Variants in SSC4D observed in about 807,000 individuals in gnomAD.
The protein encoded by SSC4D is scavenger receptor cysteine rich family member with 4 domains, also known as scavenger receptor cysteine-rich domain-containing group B protein.
A neutral mutation model predicts 63.4 loss-of-function variants in SSC4D; 57 were observed. The observed-to-expected ratio is 0.90, with a 90% CI of 0.73 to 1.12. The LOEUF (loss-of-function observed/expected upper bound fraction) is 1.12. SSC4D is among the 50% of genes most tolerant of loss of function. The pLI is 0.00. For missense variants in SSC4D, 791 were observed against 806.4 expected (o/e 0.98, Z 0.23); for synonymous variants, 352 against 345.4 (o/e 1.02, Z -0.21).
At chr7:76,405,770 G>A (rs1413350774) in intron 1 of SSC4D, among the ~76,000 whole-genome samples, 1 of 152,048 alleles carries the variant, frequency 6.6e-6, no homozygotes, top group Non-Finnish European at 1.5e-5. Context: ...GATGTGTGAA[G>A]AGGGCAAATG....
Position 76,390,757 on chromosome 7 carries a change from C to A in SSC4D, c.1412-382G>T, listed in dbSNP as rs569312738. Among the ~76,000 whole-genome samples, 13 of 152,170 alleles carry A rather than the reference C, an allele frequency of 8.5e-5. No individual in the cohort carries two copies. In the South Asian group the frequency reaches 2.7e-3, roughly 32 times the overall value. ...GCATGAACCCAGGAGGTGGAGCTTG[C>A]AGTGAGCCGAGATCGTGCCACTGCA... is the stretch of plus-strand genomic sequence containing the variant. On this transcript the variant is annotated intron_variant, in intron 10 of 10. Coordinates refer to ENST00000275560, the MANE Select transcript of SSC4D (RefSeq NM_080744.2).
intron 2 of SSC4D, among the ~76,000 whole-genome samples, chr7:76,404,035 T>C (rs1804918568): frequency 6.6e-6 from 1 of 152,132 alleles, no homozygotes; most frequent in Admixed American, 6.6e-5. Flanking sequence ...CCAACAGCCA[T>C]TGGTGAGCAC....
intron 3 of SSC4D, 99 bp downstream of exon 3, chr7:76,400,909 A>T: frequency 6.8e-7 from 1 of 1,481,194 alleles, no homozygotes; most frequent in Non-Finnish European, 9.2e-7. Flanking sequence ...TCTAGAGTCA[A>T]GGGGGGCTGG....
chr7:76,397,913 C>T (rs1211861502), intron 5 of SSC4D, 81 bp from the exon 6 acceptor site: 16 of 1,378,002 alleles, frequency 1.2e-5, no homozygotes, highest in Non-Finnish European at 1.1e-5. Context: ...CCCGGTGTCC[C>T]AGGATCTACA....
chr7:76,404,576 G>A, intron 1 of SSC4D, 71 bp from the exon 2 acceptor site: 1 of 1,329,936 alleles, frequency 7.5e-7, no homozygotes, highest in Non-Finnish European at 1.1e-6. Flanking sequence ...AGGATTGCTT[G>A]CACCCAGGGG....
intron 6 of SSC4D, among the ~76,000 whole-genome samples, chr7:76,397,055 C>T (rs142980883): frequency 5.3e-5 from 8 of 152,178 alleles, no homozygotes; most frequent in African/African-American, 1.7e-4. Context: ...ATAGAATTCT[C>T]GAGTATTGGT....
At chr7:76,405,945 C>T (rs1162754184) in intron 1 of SSC4D, among the ~76,000 whole-genome samples, 1 of 150,628 alleles carries the variant, frequency 6.6e-6, no homozygotes, top group Non-Finnish European at 1.5e-5. Flanking sequence ...CCCTCCCTTT[C>T]TTTCCTTCCT....
intron 8 of SSC4D, 41 bp downstream of exon 8, chr7:76,393,789 A>G: frequency 6.6e-7 from 1 of 1,520,332 alleles, no homozygotes; most frequent in South Asian, 1.2e-5. Context: ...CCCCAGCCCT[A>G]CCCTTCCCCA....
rs1804462284 is a variant in SSC4D, at chr7:76,390,139, G to C, written c.1648C>G (p.Leu550Val). ...TCCCAGCGGATATGAGAGCAGAGCAGCAGAGCACTTTCTTCCCCACGGCAC... is the reference window on the plus strand; with the variant it reads ...TCCCAGCGGATATGAGAGCAGAGCACCAGAGCACTTTCTTCCCCACGGCAC... ...VKCRGEESAL[L>V]LCSHIRWDAH... Residue 550 changes from leucine to valine, a missense_variant, in exon 11 of 11, where the codon CTG becomes GTG. Physicochemically the swap from Leu to Val is conservative, Grantham distance 32. Transcript: ENST00000275560. The C allele has an allele frequency of 6.2e-7, 1 of 1,614,124 alleles. No homozygotes were observed. The highest frequency in any genetic ancestry group is 1.1e-5 in the South Asian group (1 of 91,094).
intron 2 of SSC4D, among the ~76,000 whole-genome samples, chr7:76,403,642 A>G (rs571046027): frequency 1.3e-5 from 2 of 148,542 alleles, no homozygotes; most frequent in Non-Finnish European, 3.0e-5. Flanking sequence ...GGCTGATTCA[A>G]CTTATTCTTA....
intron 1 of SSC4D, among the ~76,000 whole-genome samples, chr7:76,407,181 G>A (rs2115818480): frequency 6.6e-6 from 1 of 152,174 alleles, no homozygotes; most frequent in East Asian, 1.9e-4. Flanking sequence ...GGCTGGTCTG[G>A]AACTCCTGAC....
chr7:76,401,706 C>T (rs930572145), intron 2 of SSC4D, among the ~76,000 whole-genome samples: 3 of 152,186 alleles, frequency 2.0e-5, no homozygotes, highest in African/African-American at 4.8e-5. Flanking sequence ...TGTGAGCCAA[C>T]ACACCTAGGC....
intron 6 of SSC4D, 34 bp downstream of exon 6, chr7:76,397,483 GC>G: frequency 6.9e-7 from 1 of 1,449,002 alleles, no homozygotes; most frequent in Non-Finnish European, 9.1e-7. Context: ...CCGCCCACCT[GC>G]CCCGGCCCCG....
rs926716291 is a variant in SSC4D at position 76,394,016 on chromosome 7, C to T, written c.947-112G>A. 1.7e-5 allele frequency: 18 copies of T among 1,060,036 alleles called. No individual in the cohort carries two copies. The African/African-American group carries it at 2.9e-4, about 17-fold the overall frequency. The allele number at this position is 1,060,036 out of a possible 1,614,324, so 65.7% of individuals were successfully genotyped here. ...CCCAACCCTACCACACCCGTACCCC[C>T]ACTCAGCTGCAACCCCAGAGTCACC... is the stretch of plus-strand genomic sequence containing the variant. On this transcript the variant is annotated intron_variant, in intron 7 of 10. Transcript: ENST00000275560.
Position 76,400,340 on chromosome 7 carries a change from C to T in SSC4D, c.421G>A (p.Gly141Ser), listed in dbSNP as rs747184626. The part of the protein sequence containing the change: ...EAALSECGSR[G>S]WGVHNCFHYE... ...TGAAAGCAATTGTGGACGCCCCAGC[C>T]GCGGCTGCCGCACTCGCTCAGCGCA... The change falls in exon 4 of 11, where the codon GGC (glycine) becomes AGC (serine). Residue 141 changes from glycine to serine, a missense_variant. Coordinates refer to ENST00000275560, the MANE Select transcript of SSC4D (RefSeq NM_080744.2). 7 of 1,522,970 alleles carry T rather than the reference C, an allele frequency of 4.6e-6. No homozygotes were observed. In the East Asian group the frequency reaches 9.8e-5, roughly 21 times the overall value. The allele number at this position is 1,522,970 out of a possible 1,614,324, so 94.3% of individuals were successfully genotyped here.
At chr7:76,400,830 G>A (rs1703814456) in intron 3 of SSC4D, among the ~76,000 whole-genome samples, 178 bp downstream of exon 3, 1 of 152,150 alleles carries the variant, frequency 6.6e-6, no homozygotes, top group South Asian at 2.1e-4. Flanking sequence ...TTGCCATGAA[G>A]CCATGGGAAC....
chr7:76,406,538 C>T (rs1366067630), intron 1 of SSC4D, among the ~76,000 whole-genome samples: 1 of 151,878 alleles, frequency 6.6e-6, no homozygotes, highest in African/African-American at 2.4e-5. Context: ...GGCGGCAGTG[C>T]AGTGGCATGA....
chr7:76,393,027 T>C (rs1402627672), intron 9 of SSC4D, among the ~76,000 whole-genome samples: 2 of 152,176 alleles, frequency 1.3e-5, no homozygotes, highest in Non-Finnish European at 2.9e-5. Flanking sequence ...GTAAGGGTGA[T>C]CCACTCTCTG....
At chr7:76,396,000 T>G (rs1804630505) in intron 6 of SSC4D, among the ~76,000 whole-genome samples, 1 of 152,122 alleles carries the variant, frequency 6.6e-6, no homozygotes, top group African/African-American at 2.4e-5. Flanking sequence ...CAGCCCATTA[T>G]CCCCCTCTTA....
Sources: allele counts gnomAD v4.1 joint callset (sites outside exome capture counted in the v4.1 genomes callset), GRCh38; gene constraint gnomAD v4.1.1; transcripts MANE v1.5; gene names NCBI Gene and HGNC (gene_info 2026-07-23, HGNC 2026-07-21).